Variants in NSMCE2 observed in about 807,000 individuals in gnomAD.
The protein encoded by NSMCE2 is E3 SUMO-protein ligase NSE2.
NSMCE2 carries 24 observed loss-of-function variants against 23.8 expected under a neutral mutation model. That is an observed-to-expected ratio of 1.01 (90% confidence interval 0.73 to 1.42). NSMCE2 has a LOEUF of 1.42. NSMCE2 is among the 40% of genes most tolerant of loss of function. The pLI is 0.00. For missense variants in NSMCE2, 284 were observed against 296.5 expected (o/e 0.96, Z 0.31); for synonymous variants, 92 against 94.1 (o/e 0.98, Z 0.13).
chr8:125,287,653 A>G (rs1827953040), intron 5 of NSMCE2, among the ~76,000 whole-genome samples: 1 of 152,128 alleles, frequency 6.6e-6, no homozygotes, highest in Non-Finnish European at 1.5e-5. Flanking sequence ...TTAAAATGAA[A>G]CAGACAGAGG....
chr8:125,188,617 C>T (rs905415946), intron 5 of NSMCE2, among the ~76,000 whole-genome samples: 1 of 152,132 alleles, frequency 6.6e-6, no homozygotes, highest in Non-Finnish European at 1.5e-5. Flanking sequence ...TAACCTTTGC[C>T]TTTACTTTCT....
intron 5 of NSMCE2, among the ~76,000 whole-genome samples, chr8:125,347,575 T>G (rs1812831230): frequency 6.6e-6 from 1 of 152,196 alleles, no homozygotes; most frequent in Non-Finnish European, 1.5e-5. Flanking sequence ...TAAATGCAAG[T>G]CTAGTTGAGT....
At chr8:125,214,934 C>T (rs1452948472) in intron 5 of NSMCE2, among the ~76,000 whole-genome samples, 1 of 152,138 alleles carries the variant, frequency 6.6e-6, no homozygotes, top group Non-Finnish European at 1.5e-5. Context: ...ACCTCCAGAA[C>T]TTTTTCAGTA....
At chr8:125,288,608 T>C (rs1256975891) in intron 5 of NSMCE2, among the ~76,000 whole-genome samples, 1 of 152,158 alleles carries the variant, frequency 6.6e-6, no homozygotes, top group Non-Finnish European at 1.5e-5. Context: ...CTGAAACTCT[T>C]CTCTCACTTT....
intron 5 of NSMCE2, among the ~76,000 whole-genome samples, chr8:125,257,847 T>G (rs1586681055): frequency 6.6e-6 from 1 of 152,028 alleles, no homozygotes; most frequent in East Asian, 1.9e-4. Context: ...CAAAACCAAA[T>G]GTCAATGGAT....
At chr8:125,342,568 G>A (rs1209520737) in intron 5 of NSMCE2, among the ~76,000 whole-genome samples, 2 of 152,126 alleles carry the variant, frequency 1.3e-5, no homozygotes, top group Non-Finnish European at 2.9e-5. Context: ...ACTCAGTGAT[G>A]CCTTCCCTTG....
chr8:125,146,039 TTTCTTAA>T, intron 3 of NSMCE2, among the ~76,000 whole-genome samples: 1 of 152,206 alleles, frequency 6.6e-6, no homozygotes, highest in Non-Finnish European at 1.5e-5. Flanking sequence ...TGTTATCAGA[TTTCTTAA>T]GGAATTTGGA....
chr8:125,101,651 A>G (rs2130354042), intron 1 of NSMCE2, among the ~76,000 whole-genome samples: 1 of 152,318 alleles, frequency 6.6e-6, no homozygotes, highest in East Asian at 1.9e-4. Flanking sequence ...ACATTGCTTT[A>G]CTAAGCTGAA....
intron 5 of NSMCE2, among the ~76,000 whole-genome samples, chr8:125,251,633 T>C (rs1364971464): frequency 6.6e-6 from 1 of 152,188 alleles, no homozygotes; most frequent in Non-Finnish European, 1.5e-5. Context: ...ATCTCAATAA[T>C]AGCAAAAATA....
At chr8:125,355,699 C>CAAAAAAAAAAAAAAAAAA (rs140692089) in intron 5 of NSMCE2, among the ~76,000 whole-genome samples, 1 of 46,758 alleles carries the variant, frequency 2.1e-5, no homozygotes, top group Non-Finnish European at 4.1e-5. Flanking sequence ...GACTCCATCT[C>CAAAAAAAAAAAAAAAAAA]AAAAAAAAAA....
intron 1 of NSMCE2, among the ~76,000 whole-genome samples, chr8:125,093,671 C>T (rs1817788563): frequency 2.0e-5 from 3 of 151,930 alleles, no homozygotes; most frequent in Non-Finnish European, 2.9e-5. Flanking sequence ...TGAGGTGAGC[C>T]GAGATCATGC....
chr8:125,284,909 C>A (rs1435027279), intron 5 of NSMCE2, among the ~76,000 whole-genome samples: 3 of 152,168 alleles, frequency 2.0e-5, no homozygotes, highest in Non-Finnish European at 4.4e-5. Context: ...CTAATTGCCT[C>A]AGAGATAACA....
Position 125,102,110 on chromosome 8 carries a change from C to A in NSMCE2, c.-51C>A. The A allele has an allele frequency of 2.1e-6, 1 of 471,030 alleles. No individual in the cohort carries two copies. Among genetic ancestry groups the A allele is most frequent in the South Asian group, 3.1e-5 (1 of 31,760 alleles). The allele number at this position is 471,030 out of a possible 1,614,324, so 29.2% of individuals were successfully genotyped here. The stretch of plus-strand genomic sequence containing the variant: ...TCCAAAAACTGAGGACACTTACCTT[C>A]CCCATATATTGAGTCCAGCTGTGTT... On this transcript the variant is annotated 5_prime_UTR_variant, in exon 2 of 8. Transcript: ENST00000287437.
chr8:125,352,682 T>G (rs1813089924), intron 5 of NSMCE2, among the ~76,000 whole-genome samples: 1 of 152,192 alleles, frequency 6.6e-6, no homozygotes, highest in African/African-American at 2.4e-5. Context: ...AACCTCAACT[T>G]TAAAACTTCT....
At chr8:125,227,045 G>C (rs1319295996) in intron 5 of NSMCE2, among the ~76,000 whole-genome samples, 1 of 152,040 alleles carries the variant, frequency 6.6e-6, no homozygotes, top group Admixed American at 6.6e-5. Context: ...GCCATGTCTG[G>C]TGCAGTCTGA....
At chr8:125,109,696 T>C (rs901332261) in intron 3 of NSMCE2, among the ~76,000 whole-genome samples, 1 of 152,178 alleles carries the variant, frequency 6.6e-6, no homozygotes, top group Admixed American at 6.5e-5. Flanking sequence ...TTGTTTCTTA[T>C]TGGTTGCAGA....
chr8:125,138,145 A>T (rs1286629816), intron 3 of NSMCE2, among the ~76,000 whole-genome samples: 2 of 152,220 alleles, frequency 1.3e-5, no homozygotes, highest in Non-Finnish European at 2.9e-5. Context: ...TGCATTTTAG[A>T]TTGTAAAAGT....
intron 3 of NSMCE2, among the ~76,000 whole-genome samples, chr8:125,146,661 C>A (rs1469256588): frequency 6.6e-6 from 1 of 152,084 alleles, no homozygotes; most frequent in Non-Finnish European, 1.5e-5. Flanking sequence ...AAACCAAACA[C>A]CGCATGTTCT....
At chr8:125,177,380 C>A (rs1822550331) in intron 4 of NSMCE2, among the ~76,000 whole-genome samples, 1 of 152,186 alleles carries the variant, frequency 6.6e-6, no homozygotes, top group Non-Finnish European at 1.5e-5. Context: ...TTCCTCTATA[C>A]AAATAAACAA....
Sources: allele counts gnomAD v4.1 joint callset (sites outside exome capture counted in the v4.1 genomes callset), GRCh38; gene constraint gnomAD v4.1.1; transcripts MANE v1.5; gene names NCBI Gene and HGNC (gene_info 2026-07-23, HGNC 2026-07-21).